LCORL: variants seen among roughly 807,000 people sequenced by gnomAD.
The protein encoded by LCORL is ligand dependent nuclear receptor corepressor like.
LCORL carries 41 observed loss-of-function variants against 141.8 expected under a neutral mutation model. The ratio of observed to expected loss-of-function variants is 0.29; its 90% confidence interval spans 0.23 to 0.38. The LOEUF (loss-of-function observed/expected upper bound fraction) is 0.38, where lower values mean the gene tolerates loss of function less well. Ranked by LOEUF, LCORL falls within the 10% of genes least tolerant of loss-of-function variation. LCORL has a pLI of 1.00. For synonymous variants in LCORL, 618 were observed against 694.1 expected, an observed-to-expected ratio of 0.89 and a Z score of 1.72; for missense variants, 1,759 against 2,035.0, an observed-to-expected ratio of 0.86 and a Z score of 2.61.
intron 1 of LCORL, among the ~76,000 whole-genome samples, chr4:17,997,298 C>G (rs940509346): frequency 6.6e-6 from 1 of 152,134 alleles, no homozygotes; most frequent in Non-Finnish European, 1.5e-5. Context: ...AGCACATTCA[C>G]ATTCTAATTA....
At chr4:17,940,328 C>T (rs1329316282) in intron 4 of LCORL, among the ~76,000 whole-genome samples, 5 of 108,906 alleles carry the variant, frequency 4.6e-5, no homozygotes, top group Non-Finnish European at 9.4e-5. Context: ...TGTGCAAGGA[C>T]TCCTCTGTCA....
chr4:17,965,945 A>G (rs1714774110), intron 2 of LCORL, among the ~76,000 whole-genome samples: 2 of 152,132 alleles, frequency 1.3e-5, no homozygotes, highest in African/African-American at 4.8e-5. Flanking sequence ...AAGTTCAGTG[A>G]AAAATGAAAA....
intron 6 of LCORL, chr4:17,883,658 A>G: frequency 4.9e-6 from 7 of 1,435,972 alleles, no homozygotes; most frequent in Non-Finnish European, 6.4e-6. Flanking sequence ...ACCTGTGCAC[A>G]TACACACACA....
At chr4:17,909,232 T>C in exon 5 of LCORL, 1 of 1,613,566 alleles carries the variant, frequency 6.2e-7, no homozygotes, top group Non-Finnish European at 8.5e-7. Flanking sequence ...CCATTTCTAT[T>C]CTCTTGAGTT....
chr4:18,021,043 C>T lies in LCORL; in HGVS notation c.154+555G>A, dbSNP rs1725470873. ...CCCGCCGCCCCTCGCCCCCAGCCGG[C>T]CCATCAGCGGCCCCCGCCCTGCGAG... On this transcript the variant is annotated intron_variant, in intron 1 of 7. Coordinates refer to ENST00000635767, the Ensembl canonical transcript of LCORL. The surrounding 1 kb of genome is among the most constrained non-coding windows in gnomAD (Gnocchi z 5.5). Among the ~76,000 whole-genome samples the T allele has an allele frequency of 6.6e-6, 1 of 152,104 alleles. No homozygotes were observed. Among genetic ancestry groups the T allele is most frequent in the Admixed American group, 6.5e-5 (1 of 15,272 alleles).
intron 1 of LCORL, among the ~76,000 whole-genome samples, chr4:18,008,685 A>C (rs1429454557): frequency 1.3e-5 from 2 of 152,206 alleles, no homozygotes; most frequent in Non-Finnish European, 2.9e-5. Context: ...ATAAAAACTT[A>C]GAATCTGCCT....
chr4:17,929,695 T>C (rs13146142), intron 4 of LCORL, among the ~76,000 whole-genome samples: 31,051 of 152,072 alleles, frequency 0.2, 3,604 homozygotes, highest in African/African-American at 0.31. Context: ...TTCATGACCT[T>C]GGATTAGGCT....
intron 1 of LCORL, among the ~76,000 whole-genome samples, chr4:17,978,657 T>C (rs1011877298): frequency 6.6e-5 from 10 of 152,144 alleles, no homozygotes; most frequent in South Asian, 4.2e-4. Flanking sequence ...TGAATAATGA[T>C]TGCCAGCCCT....
exon 8 of LCORL, chr4:17,845,684 A>T: frequency 6.7e-7 from 1 of 1,483,718 alleles, no homozygotes; most frequent in Non-Finnish European, 9.3e-7. Context: ...AGGAATACTG[A>T]CATACAAAAT....
chr4:17,979,394 G>T (rs1049029669), intron 1 of LCORL, among the ~76,000 whole-genome samples: 1 of 152,144 alleles, frequency 6.6e-6, no homozygotes, highest in African/African-American at 2.4e-5. Flanking sequence ...ACTTCCTCAT[G>T]CACAGAGGTG....
In LCORL at chr4:17,883,506, A is replaced by G; in HGVS notation, c.776+2562T>C. On this transcript the variant is annotated intron_variant, in intron 6 of 7. Coordinates refer to ENST00000635767, the Ensembl canonical transcript of LCORL. ...CTATCAGAATTAAGTAAGCAACTAT[A>G]TAATTCTGTCCACAGTGAAAACCCT... The G allele has an allele frequency of 3.9e-6, 5 of 1,291,212 alleles. No individual in the cohort carries two copies. In the East Asian group the frequency reaches 1.1e-4, roughly 29 times the overall value. The allele number at this position is 1,291,212 out of a possible 1,614,324, so 80.0% of individuals were successfully genotyped here. A position where few individuals can be genotyped will look rare whatever the true frequency, so the allele number is the denominator to read the frequency against.
intron 5 of LCORL, among the ~76,000 whole-genome samples, chr4:17,886,774 A>C (rs180919037): frequency 1.3e-5 from 2 of 152,212 alleles, no homozygotes; most frequent in African/African-American, 2.4e-5. Flanking sequence ...CGATAATGCA[A>C]CTTTAGAAAA....
chr4:17,899,820 G>A (rs1019615131), intron 5 of LCORL, among the ~76,000 whole-genome samples: 9 of 152,136 alleles, frequency 5.9e-5, no homozygotes, highest in African/African-American at 1.9e-4. Flanking sequence ...AACATGAACT[G>A]CTTCATGCAC....
intron 4 of LCORL, among the ~76,000 whole-genome samples, chr4:17,934,076 T>A (rs1736466643): frequency 6.6e-6 from 1 of 152,014 alleles, no homozygotes; most frequent in East Asian, 1.9e-4. Context: ...TACTCAGACT[T>A]CAGGGATTTT....
At chr4:17,967,448 T>G (rs1715125808) in intron 2 of LCORL, among the ~76,000 whole-genome samples, 2 of 152,100 alleles carry the variant, frequency 1.3e-5, no homozygotes, top group African/African-American at 4.8e-5. Flanking sequence ...TTCAATAAAA[T>G]ATGCTAATAT....
In LCORL at chr4:17,996,201, T is replaced by C. The variant is rs536202933; in HGVS notation, c.155-23316A>G. ...CCAGGATATATCCATATTATTTCCCTTTATCTTTTACCAGCTCTGTAAATT... is the reference window on the plus strand; with the variant it reads ...CCAGGATATATCCATATTATTTCCCCTTATCTTTTACCAGCTCTGTAAATT... On this transcript the variant is annotated intron_variant, in intron 1 of 7. Coordinates refer to ENST00000635767, the Ensembl canonical transcript of LCORL. Among the ~76,000 whole-genome samples, 16 of 152,184 alleles carry C rather than the reference T, an allele frequency of 1.1e-4. No individual in the cohort carries two copies. The East Asian group carries it at 2.7e-3, about 26-fold the overall frequency.
chr4:17,926,017 G>A (rs1355530202), intron 4 of LCORL, among the ~76,000 whole-genome samples: 2 of 151,688 alleles, frequency 1.3e-5, no homozygotes, highest in Non-Finnish European at 2.9e-5. Flanking sequence ...TTGAAGTGCT[G>A]TTAACTTTAT....
intron 4 of LCORL, among the ~76,000 whole-genome samples, chr4:17,926,709 T>G (rs578175267): frequency 6.6e-6 from 1 of 152,350 alleles, no homozygotes; most frequent in African/African-American, 2.4e-5. Context: ...CATATACACA[T>G]CTATCATATT....
intron 4 of LCORL, among the ~76,000 whole-genome samples, chr4:17,942,376 C>T (rs1738114727): frequency 6.6e-6 from 1 of 152,050 alleles, no homozygotes; most frequent in African/African-American, 2.4e-5. Flanking sequence ...AGGAATTAGG[C>T]TTAATAATCA....
Sources: allele counts gnomAD v4.1 joint callset (sites outside exome capture counted in the v4.1 genomes callset), GRCh38; gene constraint gnomAD v4.1.1; non-coding constraint Gnocchi (gnomAD v3.1); transcripts MANE v1.5; gene names NCBI Gene and HGNC (gene_info 2026-07-23, HGNC 2026-07-21).